The following PCDHGA7 variants were observed in gnomAD, a reference collection of about 807,000 sequenced individuals.
PCDHGA7 encodes the protein protocadherin gamma subfamily A, 7, also known as protocadherin gamma-A7.
PCDHGA7 carries 44 observed loss-of-function variants against 58.3 expected under a neutral mutation model. That is an observed-to-expected ratio of 0.75 (90% CI 0.59 to 0.97). The LOEUF (loss-of-function observed/expected upper bound fraction) is 0.97. Among genes scored for constraint, PCDHGA7 ranks in the 50% least tolerant of loss-of-function variants. PCDHGA7 has a pLI of 0.00. For synonymous variants in PCDHGA7, 516 were observed against 504.2 expected, an observed-to-expected ratio of 1.02 and a Z score of -0.31; for missense variants, 1,266 against 1,188.7, an observed-to-expected ratio of 1.06 and a Z score of -0.96.
At chr5:141,400,420 T>C (rs1323719998) in intron 1 of PCDHGA7, 1 of 1,613,936 alleles carries the variant, frequency 6.2e-7, no homozygotes, top group Non-Finnish European at 8.5e-7. Context: ...TTTCCTAAAA[T>C]GTAGTGAGCA....
chr5:141,420,028 A>C, intron 1 of PCDHGA7: 2 of 1,614,076 alleles, frequency 1.2e-6, no homozygotes, highest in Non-Finnish European at 1.7e-6. Flanking sequence ...GCCCTACTGC[A>C]GGAGACTGCT....
chr5:141,479,679 T>A (rs1211872684), intron 1 of PCDHGA7: 1 of 152,258 alleles, frequency 6.6e-6, no homozygotes, highest in East Asian at 1.9e-4. Flanking sequence ...AAGGAGAGTC[T>A]TTTTGGTGCC....
chr5:141,427,213 G>A (rs566924176), intron 1 of PCDHGA7: 3 of 456,706 alleles, frequency 6.6e-6, no homozygotes, highest in East Asian at 6.9e-5. Context: ...TTCGAATTTC[G>A]TAGCAGTTAT....
rs1354607645 is a variant in PCDHGA7, at chr5:141,433,848, A to C, written c.2424+48525A>C. Among the ~76,000 whole-genome samples, 4 of 152,082 alleles carry C rather than the reference A, an allele frequency of 2.6e-5. No individual in the cohort carries two copies. In the East Asian group the frequency reaches 5.8e-4, roughly 22 times the overall value. ...GTGAAACTCTATCTCAAAAAAAAAA[A>C]AAAAAAACTTTATCCTCTAGTTTCA... On this transcript the variant is annotated intron_variant, in intron 1 of 3. Coordinates refer to ENST00000518325, the MANE Select transcript of PCDHGA7 (RefSeq NM_018920.4).
chr5:141,399,488 TAGTC>T (rs778579612), intron 1 of PCDHGA7: 12 of 1,613,904 alleles, frequency 7.4e-6, no homozygotes, highest in Admixed American at 1.7e-5. Flanking sequence ...GCGTCCTACT[TAGTC>T]AGTGTACCCG....
intron 1 of PCDHGA7, among the ~76,000 whole-genome samples, chr5:141,474,227 G>A (rs1394834744): frequency 6.6e-6 from 1 of 152,190 alleles, no homozygotes; most frequent in Non-Finnish European, 1.5e-5. Flanking sequence ...TGTGAATTAA[G>A]TGATGCTGAA....
At chr5:141,405,309 A>T (rs1019536231) in intron 1 of PCDHGA7, 2 of 1,614,068 alleles carry the variant, frequency 1.2e-6, no homozygotes, top group Non-Finnish European at 1.7e-6. Context: ...CAGAGCTGTG[A>T]GAAAAATGAG....
At chr5:141,414,414 C>T (rs376404716) in intron 1 of PCDHGA7, 4 of 1,613,830 alleles carry the variant, frequency 2.5e-6, no homozygotes, top group South Asian at 1.1e-5. Context: ...TACACAGAGC[C>T]CTTGACAGGG....
chr5:141,503,440 C>A (rs1185892958), intron 2 of PCDHGA7, among the ~76,000 whole-genome samples: 2 of 151,694 alleles, frequency 1.3e-5, no homozygotes, highest in African/African-American at 4.8e-5. Context: ...ACTAAAAATA[C>A]AAAAATTCGC....
Position 141,490,055 on chromosome 5 carries a change from G to A in PCDHGA7, c.2425-4752G>A, listed in dbSNP as rs746297447. The A allele has an allele frequency of 1.9e-6, 3 of 1,614,068 alleles. No individual in the cohort carries two copies. The Admixed American group carries it at 5.0e-5, about 27-fold the overall frequency. On this transcript the variant is annotated intron_variant, in intron 1 of 3. Transcript: ENST00000518325. This position sits in a 1 kb window ranked among gnomAD's most constrained non-coding sequence, Gnocchi z 5.4. ...CTCAATGCCACTGATCCAGACGAGG[G>A]CACCAACGGCCAACTAGACTATTCT...
chr5:141,423,157 G>A (rs527921011), intron 1 of PCDHGA7: 1 of 1,610,820 alleles, frequency 6.2e-7, no homozygotes, highest in Non-Finnish European at 8.5e-7. Flanking sequence ...GCAGAGCCTC[G>A]TGGTGGCCGT....
intron 1 of PCDHGA7, chr5:141,395,178 G>A: frequency 6.2e-7 from 1 of 1,614,142 alleles, no homozygotes; most frequent in East Asian, 2.2e-5. Flanking sequence ...TGAGAAAAAT[G>A]ATTCTTTGTT....
chr5:141,414,251 C>T, intron 1 of PCDHGA7: 3 of 1,613,346 alleles, frequency 1.9e-6, no homozygotes, highest in Non-Finnish European at 2.5e-6. Context: ...CTATTTAGTC[C>T]AGTGACTGAA....
At position 141,384,356 on chromosome 5, in the gene PCDHGA7, A is replaced by G; in HGVS notation, c.1457A>G (p.Gln486Arg). 3 of 1,613,862 alleles carry G rather than the reference A, an allele frequency of 1.9e-6. No individual in the cohort carries two copies. Among genetic ancestry groups the G allele is most frequent in the Non-Finnish European group, 1.7e-6 (2 of 1,179,884 alleles). ...GACCACGACAGTGAGGATAATGCCC[A>G]GATCACTTATTCCTTGGCCGAAGAC... ...AQDHDSEDNA[Q>R]ITYSLAEDTI... Residue 486 changes from glutamine (Q) to arginine (R), a missense_variant, in exon 1 of 4, where the codon CAG becomes CGG. By Grantham distance (43) the Gln-to-Arg change is conservative. Coordinates refer to ENST00000518325, the MANE Select transcript of PCDHGA7 (RefSeq NM_018920.4).
At position 141,435,341 on chromosome 5, in the gene PCDHGA7, C is replaced by T. The variant is rs73794903; in HGVS notation, c.2424+50018C>T. 9.3e-3 allele frequency among the ~76,000 whole-genome samples: 1,412 copies of T among 152,206 alleles called. 25 individuals carry two copies. Among genetic ancestry groups the T allele is most frequent in the African/African-American group, 0.032 (1,313 of 41,532 alleles). On this transcript the variant is annotated intron_variant, in intron 1 of 3. Coordinates refer to ENST00000518325, the MANE Select transcript of PCDHGA7 (RefSeq NM_018920.4). ...ACTTCCAAATATAGTGAATTTATTT[C>T]TTCTGCATTTAAAATTTTATCACTT...
chr5:141,478,987 G>T (rs1007857792), intron 1 of PCDHGA7, among the ~76,000 whole-genome samples: 8 of 152,144 alleles, frequency 5.3e-5, no homozygotes, highest in African/African-American at 1.4e-4. Flanking sequence ...TGTGACATTT[G>T]TATTAAAACT....
At chr5:141,423,744 A>G in intron 1 of PCDHGA7, 1 of 429,464 alleles carries the variant, frequency 2.3e-6, no homozygotes. Context: ...TGTTATGAAA[A>G]CTGTTTGGGG....
intron 1 of PCDHGA7, chr5:141,415,035 C>G (rs368588973): frequency 5.6e-6 from 9 of 1,613,578 alleles, no homozygotes; most frequent in South Asian, 1.1e-5. Context: ...AGCCGGGACT[C>G]TTCGCGGTGG....
chr5:141,453,926 T>C (rs1274875429), intron 1 of PCDHGA7, among the ~76,000 whole-genome samples: 1 of 152,256 alleles, frequency 6.6e-6, no homozygotes, highest in Non-Finnish European at 1.5e-5. Flanking sequence ...GATCAGTCAC[T>C]GTGTGCCTAT....
Sources: allele counts gnomAD v4.1 joint callset (sites outside exome capture counted in the v4.1 genomes callset), GRCh38; gene constraint gnomAD v4.1.1; non-coding constraint Gnocchi (gnomAD v3.1); transcripts MANE v1.5; gene names NCBI Gene and HGNC (gene_info 2026-07-23, HGNC 2026-07-21).